Variants in ARB2A observed in about 807,000 individuals in gnomAD.
ARB2A encodes the protein ARB2 cotranscriptional regulator A, also known as cotranscriptional regulator ARB2A.
chr5:93,663,957 T>C, the ARB2A span, among the ~76,000 whole-genome samples: 7 of 151,938 alleles, frequency 4.6e-5, no homozygotes, highest in Non-Finnish European at 1.0e-4. Context: ...ATTTAACTCA[T>C]TTAATTTTAT....
At chr5:93,961,138 A>G in the ARB2A span, among the ~76,000 whole-genome samples, 2 of 152,186 alleles carry the variant, frequency 1.3e-5, no homozygotes, top group African/African-American at 4.8e-5. Context: ...TAGTCACTCA[A>G]TTACCAAACA....
the ARB2A span, among the ~76,000 whole-genome samples, chr5:93,776,418 ACT>A: frequency 6.6e-6 from 1 of 152,130 alleles, no homozygotes; most frequent in African/African-American, 2.4e-5. Context: ...AATTAACATG[ACT>A]CTGAAAAAGG....
chr5:94,050,639 G>A, the ARB2A span: 6 of 855,114 alleles, frequency 7.0e-6, no homozygotes, highest in East Asian at 2.7e-5. Context: ...ACATTTTGTA[G>A]AAAGAGTGCA....
chr5:93,894,092 A>G, the ARB2A span, among the ~76,000 whole-genome samples: 1 of 152,172 alleles, frequency 6.6e-6, no homozygotes, highest in African/African-American at 2.4e-5. Flanking sequence ...AAATGTACTC[A>G]ATTAGCTAAA....
At chr5:93,784,410 G>T in the ARB2A span, 3 of 1,613,210 alleles carry the variant, frequency 1.9e-6, no homozygotes, top group South Asian at 3.3e-5. Context: ...GAATCGTTTT[G>T]CCAGCTTCTT....
the ARB2A span, chr5:94,053,098 T>TAGATAGAC: frequency 8.0e-7 from 1 of 1,257,830 alleles, no homozygotes; most frequent in Admixed American, 2.0e-5. Context: ...GATAGATAGA[T>TAGATAGAC]AGATAGATAG....
the ARB2A span, among the ~76,000 whole-genome samples, chr5:93,635,724 G>A: frequency 1.4e-3 from 218 of 152,250 alleles, no homozygotes; most frequent in Non-Finnish European, 2.0e-3. Context: ...ACAGGCATGA[G>A]CTACTGCGTC....
chr5:93,625,378 A>C, the ARB2A span, among the ~76,000 whole-genome samples: 9 of 152,158 alleles, frequency 5.9e-5, no homozygotes, highest in African/African-American at 2.2e-4. Context: ...AAAAATGAAT[A>C]ATTATTTCTT....
the ARB2A span, among the ~76,000 whole-genome samples, chr5:93,849,194 G>A: frequency 6.6e-6 from 1 of 151,880 alleles, no homozygotes; most frequent in Non-Finnish European, 1.5e-5. Flanking sequence ...CCAAACCTTG[G>A]GGGTCTTAGG....
At chr5:94,107,269 G>A in the ARB2A span, among the ~76,000 whole-genome samples, 1 of 152,002 alleles carries the variant, frequency 6.6e-6, no homozygotes, top group Non-Finnish European at 1.5e-5. Context: ...CAATATTAGA[G>A]AAAGCAGCAT....
chr5:93,932,055 T>G, the ARB2A span, among the ~76,000 whole-genome samples: 1 of 152,174 alleles, frequency 6.6e-6, no homozygotes, highest in Non-Finnish European at 1.5e-5. Context: ...ATACAATAAT[T>G]AGATTATAAT....
chr5:93,664,008 T>C, the ARB2A span, among the ~76,000 whole-genome samples: 4 of 152,138 alleles, frequency 2.6e-5, no homozygotes, highest in Non-Finnish European at 5.9e-5. Flanking sequence ...CATGTATCAA[T>C]AGTGTTCTGA....
At chr5:93,961,643 C>T in the ARB2A span, among the ~76,000 whole-genome samples, 3 of 151,560 alleles carry the variant, frequency 2.0e-5, no homozygotes, top group Admixed American at 1.3e-4. Context: ...ATGACTGCAC[C>T]ACAGCACTTA....
chr5:93,637,345 GGTT>G, the ARB2A span, among the ~76,000 whole-genome samples: 1 of 130,530 alleles, frequency 7.7e-6, no homozygotes, highest in Non-Finnish European at 1.6e-5. Context: ...AGGACATTTG[GGTT>G]GTTTAGTTTT....
chr5:94,042,740 T>C, the ARB2A span, among the ~76,000 whole-genome samples: 7 of 152,214 alleles, frequency 4.6e-5, no homozygotes, highest in African/African-American at 1.7e-4. Context: ...ACATAAATAG[T>C]ACACTAATTC....
chr5:94,019,902 G>A, the ARB2A span, among the ~76,000 whole-genome samples: 1 of 152,092 alleles, frequency 6.6e-6, no homozygotes, highest in Non-Finnish European at 1.5e-5. Flanking sequence ...CTTCATCAAG[G>A]CACCAGTGTA....
the ARB2A span, among the ~76,000 whole-genome samples, chr5:93,707,344 G>C: frequency 6.6e-6 from 1 of 152,134 alleles, no homozygotes; most frequent in Non-Finnish European, 1.5e-5. Context: ...TAAGATTGGG[G>C]AAGTCTGAAA....
At chr5:93,702,713 GC>G in the ARB2A span, among the ~76,000 whole-genome samples, 1 of 152,106 alleles carries the variant, frequency 6.6e-6, no homozygotes, top group Non-Finnish European at 1.5e-5. Context: ...GTCCAGTGTT[GC>G]TATGAAGTCT....
chr5:93,976,542 C>G, the ARB2A span, among the ~76,000 whole-genome samples: 1 of 152,130 alleles, frequency 6.6e-6, no homozygotes. Context: ...GACAGTTTCC[C>G]CCTTTCTGTT....
Sources: allele counts gnomAD v4.1 joint callset (sites outside exome capture counted in the v4.1 genomes callset), GRCh38; gene constraint gnomAD v4.1.1; transcripts MANE v1.5; gene names NCBI Gene and HGNC (gene_info 2026-07-23, HGNC 2026-07-21).